PSD3: variants seen among roughly 807,000 people sequenced by gnomAD.
PSD3 encodes the protein pleckstrin and Sec7 domain containing 3, also known as PH and SEC7 domain-containing protein 3.
PSD3 carries 49 observed loss-of-function variants against 105.5 expected under a neutral mutation model. That is an observed-to-expected ratio of 0.46 (90% CI 0.37 to 0.59). The LOEUF is 0.59. PSD3 is among the 20% of genes least tolerant of loss of function. The probability of loss-of-function intolerance (pLI) is 0.00; values close to 1 mark genes in which losing one functional copy is unlikely to be tolerated. For missense variants in PSD3, 1,561 were observed against 1,263.8 expected (o/e 1.24, Z -3.57); for synonymous variants, 557 against 457.8 (o/e 1.22, Z -2.77).
At chr8:18,698,940 T>A (rs747779576) in intron 9 of PSD3, among the ~76,000 whole-genome samples, 9 of 152,328 alleles carry the variant, frequency 5.9e-5, no homozygotes, top group African/African-American at 2.2e-4. Context: ...TAATGAGAGA[T>A]AGTAAATCTG....
chr8:18,699,171 T>C (rs183906880), intron 9 of PSD3, among the ~76,000 whole-genome samples: 2 of 152,318 alleles, frequency 1.3e-5, no homozygotes, highest in African/African-American at 4.8e-5. Context: ...GTGAAAGCTA[T>C]GTGTGCCACT....
intron 1 of PSD3, among the ~76,000 whole-genome samples, chr8:19,071,204 T>C (rs1191791180): frequency 6.6e-6 from 1 of 152,056 alleles, no homozygotes; most frequent in Non-Finnish European, 1.5e-5. Context: ...GGATTACAGG[T>C]GTGCACCACC....
chr8:18,623,569 G>A (rs1190439737), intron 11 of PSD3, among the ~76,000 whole-genome samples: 1 of 149,840 alleles, frequency 6.7e-6, no homozygotes, highest in Non-Finnish European at 1.5e-5. Context: ...GAGCCCAGAA[G>A]TCTGAGGCTG....
intron 1 of PSD3, among the ~76,000 whole-genome samples, chr8:19,048,524 A>G (rs1586666380): frequency 1.3e-5 from 2 of 149,572 alleles, no homozygotes; most frequent in East Asian, 3.9e-4. Flanking sequence ...TTAACTGCCA[A>G]AGTGCTAGCT....
intron 4 of PSD3, among the ~76,000 whole-genome samples, chr8:18,811,573 G>A (rs1395830593): frequency 6.6e-6 from 1 of 152,132 alleles, no homozygotes; most frequent in Non-Finnish European, 1.5e-5. Flanking sequence ...TGGGGATGAG[G>A]GTGGAAACAT....
intron 14 of PSD3, among the ~76,000 whole-genome samples, chr8:18,557,871 A>G (rs1452036511): frequency 6.6e-6 from 1 of 152,224 alleles, no homozygotes; most frequent in Non-Finnish European, 1.5e-5. Context: ...TATGTTATGG[A>G]TTGAATGTGT....
intron 9 of PSD3, among the ~76,000 whole-genome samples, chr8:18,687,758 T>C (rs866720046): frequency 6.6e-6 from 1 of 151,992 alleles, no homozygotes; most frequent in South Asian, 2.1e-4. Context: ...AATGGAAGCA[T>C]GATATATATT....
At chr8:18,677,838 A>G (rs985992457) in intron 9 of PSD3, among the ~76,000 whole-genome samples, 11 of 151,978 alleles carry the variant, frequency 7.2e-5, no homozygotes, top group East Asian at 3.9e-4. Context: ...GTGAAACCCC[A>G]TCTCTACTAA....
intron 11 of PSD3, among the ~76,000 whole-genome samples, chr8:18,608,436 C>A (rs1805023320): frequency 1.3e-5 from 2 of 152,140 alleles, no homozygotes; most frequent in South Asian, 4.1e-4. Context: ...TATTCTGAGT[C>A]AAACTCACAT....
At chr8:18,899,566 T>C (rs1212679514) in intron 2 of PSD3, among the ~76,000 whole-genome samples, 1 of 152,068 alleles carries the variant, frequency 6.6e-6, no homozygotes, top group Admixed American at 6.6e-5. Context: ...CCCCCTGATG[T>C]AGAAGCTGAA....
chr8:18,925,666 G>C (rs1821317642), intron 2 of PSD3, among the ~76,000 whole-genome samples: 1 of 152,088 alleles, frequency 6.6e-6, no homozygotes, highest in African/African-American at 2.4e-5. Context: ...TTTATTCAAG[G>C]ACTACAGCAG....
intron 8 of PSD3, among the ~76,000 whole-genome samples, chr8:18,787,548 T>C (rs1809284325): frequency 6.6e-6 from 1 of 152,146 alleles, no homozygotes; most frequent in Non-Finnish European, 1.5e-5. Context: ...GCAGGCCCAA[T>C]TCTTAAATAT....
At chr8:18,752,716 A>T (rs553234732) in intron 9 of PSD3, among the ~76,000 whole-genome samples, 21 of 120,172 alleles carry the variant, frequency 1.7e-4, no homozygotes, top group East Asian at 1.1e-3. Context: ...ATATATATAT[A>T]TTTTTGTCTA....
intron 1 of PSD3, among the ~76,000 whole-genome samples, chr8:18,997,441 G>T (rs1826140259): frequency 6.6e-6 from 1 of 151,812 alleles, no homozygotes; most frequent in African/African-American, 2.4e-5. Flanking sequence ...CACTCACCTA[G>T]GTTACAACAG....
intron 2 of PSD3, among the ~76,000 whole-genome samples, chr8:18,895,452 A>G (rs1819084200): frequency 6.6e-6 from 1 of 152,206 alleles, no homozygotes; most frequent in Admixed American, 6.5e-5. Context: ...GCATTTACGC[A>G]TTTATATTCC....
intron 4 of PSD3, among the ~76,000 whole-genome samples, chr8:18,848,628 C>G (rs916673012): frequency 6.6e-6 from 1 of 152,180 alleles, no homozygotes. Context: ...AGGGGTGCTT[C>G]TAGAAATATT....
intron 1 of PSD3, among the ~76,000 whole-genome samples, chr8:18,984,263 A>G (rs1050062042): frequency 6.6e-6 from 1 of 151,658 alleles, no homozygotes; most frequent in Non-Finnish European, 1.5e-5. Flanking sequence ...CATGTTTACA[A>G]TAGAGCTGAC....
Position 18,586,849 on chromosome 8 carries a change from C to T in PSD3, c.2482-11564G>A, listed in dbSNP as rs188571493. Among the ~76,000 whole-genome samples, 42 of 152,190 alleles carry T rather than the reference C, an allele frequency of 2.8e-4. No homozygotes were observed. In the East Asian group the frequency reaches 6.2e-3, roughly 22 times the overall value. On this transcript the variant is annotated intron_variant, in intron 12 of 15. Coordinates refer to ENST00000327040, the MANE Select transcript of PSD3 (RefSeq NM_015310.4). ...AGCCCTTGGACAGGATTCCTTGATG[C>T]TGAGAAATGTATATGGGGTAGAAAG...
chr8:18,666,225 A>G (rs1799444864), intron 9 of PSD3, among the ~76,000 whole-genome samples: 1 of 152,088 alleles, frequency 6.6e-6, no homozygotes, highest in African/African-American at 2.4e-5. Context: ...TTATTTTTGT[A>G]TTTTTAGTAG....
Sources: allele counts gnomAD v4.1 joint callset (sites outside exome capture counted in the v4.1 genomes callset), GRCh38; gene constraint gnomAD v4.1.1; transcripts MANE v1.5; gene names NCBI Gene and HGNC (gene_info 2026-07-23, HGNC 2026-07-21).